CEP85L: variants seen among roughly 807,000 people sequenced by gnomAD.
CEP85L encodes centrosomal protein of 85 kDa-like.
A neutral mutation model predicts 100.3 loss-of-function variants in CEP85L; 60 were observed. That is an observed-to-expected ratio of 0.60 (90% confidence interval 0.49 to 0.74). The LOEUF is 0.74. CEP85L is among the 30% of genes least tolerant of loss of function. The probability of loss-of-function intolerance (pLI) is 0.00; values close to 1 mark genes in which losing one functional copy is unlikely to be tolerated. For synonymous variants in CEP85L, 319 were observed against 322.7 expected, an observed-to-expected ratio of 0.99 and a Z score of 0.12; for missense variants, 973 against 936.2, an observed-to-expected ratio of 1.04 and a Z score of -0.51.
At chr6:118,665,368 T>C (rs1776102836) in intron 1 of CEP85L, among the ~76,000 whole-genome samples, 1 of 152,104 alleles carries the variant, frequency 6.6e-6, no homozygotes, top group Admixed American at 6.5e-5. Flanking sequence ...TTTATTATTT[T>C]ATTTTATTTT....
intron 2 of CEP85L, among the ~76,000 whole-genome samples, chr6:118,592,191 G>C (rs1781226526): frequency 6.6e-6 from 1 of 151,958 alleles, no homozygotes. Context: ...TCTCCCTTTG[G>C]ATTCTGCCTT....
chr6:118,658,067 A>G (rs763643325), intron 1 of CEP85L, among the ~76,000 whole-genome samples: 6 of 152,174 alleles, frequency 3.9e-5, no homozygotes, highest in Admixed American at 6.5e-5. Context: ...CACTTAAACA[A>G]TCCCTAGAGG....
chr6:118,533,512 G>A (rs896792848), intron 3 of CEP85L, among the ~76,000 whole-genome samples: 42 of 152,114 alleles, frequency 2.8e-4, no homozygotes, highest in African/African-American at 9.2e-4. Context: ...TTGTTACACT[G>A]TAGGATTCTA....
intron 2 of CEP85L, among the ~76,000 whole-genome samples, chr6:118,626,410 CT>C (rs1310551770): frequency 6.6e-6 from 1 of 152,128 alleles, no homozygotes; most frequent in Non-Finnish European, 1.5e-5. Flanking sequence ...CTCCCAATTC[CT>C]TATGAACATA....
chr6:118,676,108 A>G (rs1776473526), intron 1 of CEP85L, among the ~76,000 whole-genome samples: 1 of 151,994 alleles, frequency 6.6e-6, no homozygotes, highest in African/African-American at 2.4e-5. Context: ...GTCTATTTTT[A>G]ACTGACAAAT....
chr6:118,506,496 T>G (rs561010550), intron 5 of CEP85L, among the ~76,000 whole-genome samples: 1 of 152,330 alleles, frequency 6.6e-6, no homozygotes, highest in East Asian at 1.9e-4. Context: ...TTTTCTTATG[T>G]AAGTTGGAAA....
At chr6:118,546,047 GATAACACTATA>G (rs1459275664) in intron 3 of CEP85L, among the ~76,000 whole-genome samples, 1 of 151,844 alleles carries the variant, frequency 6.6e-6, no homozygotes, top group East Asian at 1.9e-4. Context: ...ACACTCTACT[GATAACACTATA>G]ACTCATTAAT....
chr6:118,663,925 CT>C (rs1310112453), intron 1 of CEP85L, among the ~76,000 whole-genome samples: 208 of 135,502 alleles, frequency 1.5e-3, no homozygotes, highest in Middle Eastern at 3.7e-3. Context: ...GAAGTTTTTC[CT>C]TTTTTTTTTT....
In CEP85L at chr6:118,703,098, G is replaced by A. The variant is rs573077486; in HGVS notation, c.-28+6938C>T. 1.6e-4 allele frequency among the ~76,000 whole-genome samples: 25 copies of A among 151,750 alleles called. 2 individuals are homozygous for A. In the South Asian group the frequency reaches 5.0e-3, roughly 30 times the overall value. On this transcript the variant is annotated intron_variant, in intron 1 of 13. Transcript: ENST00000368488. ...ACCAATAGAATGCTGCAGAAGTGAC[G>A]ATTTGTGACTTCTGAATAAGACCTC... is the stretch of plus-strand genomic sequence containing the variant.
intron 1 of CEP85L, among the ~76,000 whole-genome samples, chr6:118,679,686 A>G (rs1264815136): frequency 6.6e-6 from 1 of 152,198 alleles, no homozygotes; most frequent in East Asian, 1.9e-4. Flanking sequence ...TAGGAAACAA[A>G]GGGCCCACTT....
At chr6:118,588,133 G>C (rs1780974069) in intron 2 of CEP85L, among the ~76,000 whole-genome samples, 1 of 152,160 alleles carries the variant, frequency 6.6e-6, no homozygotes, top group South Asian at 2.1e-4. Flanking sequence ...GCACTATTCT[G>C]AATACATCGG....
intron 2 of CEP85L, among the ~76,000 whole-genome samples, chr6:118,602,584 TA>T (rs1562299841): frequency 6.6e-6 from 1 of 152,236 alleles, no homozygotes; most frequent in Non-Finnish European, 1.5e-5. Flanking sequence ...GAAACAAACT[TA>T]AAAACAATTA....
chr6:118,473,031 G>C (rs1181871752), intron 10 of CEP85L, among the ~76,000 whole-genome samples: 1 of 152,106 alleles, frequency 6.6e-6, no homozygotes, highest in African/African-American at 2.4e-5. Flanking sequence ...AATTTAAAAG[G>C]AACTATTTTG....
chr6:118,539,525 T>C (rs779234387), intron 3 of CEP85L, among the ~76,000 whole-genome samples: 8 of 152,258 alleles, frequency 5.3e-5, no homozygotes, highest in Non-Finnish European at 1.0e-4. Context: ...AAGCACTGCC[T>C]ACATTATCTT....
chr6:118,642,463 A>G (rs556011369), intron 1 of CEP85L, among the ~76,000 whole-genome samples: 42 of 152,372 alleles, frequency 2.8e-4, no homozygotes, highest in Non-Finnish European at 2.8e-4. Flanking sequence ...GAATAAAGTA[A>G]GATCAGATTC....
At chr6:118,569,449 T>C (rs1049193784) in intron 2 of CEP85L, among the ~76,000 whole-genome samples, 1 of 149,030 alleles carries the variant, frequency 6.7e-6, no homozygotes, top group Non-Finnish European at 1.5e-5. Flanking sequence ...ACCCTAGAAC[T>C]TAAAGTATAA....
At position 118,617,805 on chromosome 6, in the gene CEP85L, T is replaced by A. The variant is rs573652882; in HGVS notation, c.232+14648A>T. The stretch of plus-strand genomic sequence containing the variant: ...AAGAACCTTGGGTGTTACATCTTAG[T>A]GAGCCAGCCAGGAGACTCCAGGAAG... On this transcript the variant is annotated intron_variant, in intron 2 of 12. Coordinates refer to ENST00000368491, the MANE Select transcript of CEP85L (RefSeq NM_001042475.3). Among the ~76,000 whole-genome samples the A allele has an allele frequency of 2.0e-5, 3 of 152,312 alleles. No homozygotes were observed. In the East Asian group the frequency reaches 5.8e-4, roughly 29 times the overall value.
intron 3 of CEP85L, among the ~76,000 whole-genome samples, chr6:118,558,446 G>A (rs1021138674): frequency 2.0e-5 from 3 of 151,970 alleles, no homozygotes; most frequent in South Asian, 2.1e-4. Context: ...GTTGTTTTGC[G>A]TAAAGTCATG....
chr6:118,683,632 G>A (rs971823955), intron 1 of CEP85L, among the ~76,000 whole-genome samples: 1 of 152,294 alleles, frequency 6.6e-6, no homozygotes, highest in East Asian at 1.9e-4. Context: ...ATGTCCATCT[G>A]TAGATTCCAG....
Sources: allele counts gnomAD v4.1 joint callset (sites outside exome capture counted in the v4.1 genomes callset), GRCh38; gene constraint gnomAD v4.1.1; transcripts MANE v1.5; gene names NCBI Gene and HGNC (gene_info 2026-07-23, HGNC 2026-07-21).